Variants in DPYD observed in about 807,000 individuals in gnomAD.
DPYD encodes dihydropyrimidine dehydrogenase, also known as dihydropyrimidine dehydrogenase [NADP(+)].
Under a neutral mutation model 116.2 loss-of-function variants are expected in DPYD, and 109 were observed. The observed-to-expected ratio is 0.94, with a 90% confidence interval of 0.80 to 1.10. The LOEUF (loss-of-function observed/expected upper bound fraction) is 1.10. Ranked by LOEUF, DPYD falls within the 50% of genes least tolerant of loss-of-function variation. The pLI, the probability that DPYD is intolerant of heterozygous loss-of-function variation, is 0.00. For missense variants in DPYD, 1,302 were observed against 1,254.5 expected (o/e 1.04, Z -0.57); for synonymous variants, 440 against 432.0 (o/e 1.02, Z -0.23).
At chr1:97,184,920 T>C (rs1657891770) in intron 20 of DPYD, among the ~76,000 whole-genome samples, 1 of 152,136 alleles carries the variant, frequency 6.6e-6, no homozygotes, top group South Asian at 2.1e-4. Flanking sequence ...CAGTACAATA[T>C]TGAATAGAAG....
intron 20 of DPYD, among the ~76,000 whole-genome samples, chr1:97,175,960 C>T (rs1032125232): frequency 1.3e-5 from 2 of 152,162 alleles, no homozygotes; most frequent in Non-Finnish European, 2.9e-5. Context: ...CTGCAGCAGT[C>T]TGGAACACAT....
At chr1:97,914,977 T>C (rs1005759916) in intron 1 of DPYD, among the ~76,000 whole-genome samples, 1 of 152,156 alleles carries the variant, frequency 6.6e-6, no homozygotes, top group African/African-American at 2.4e-5. Flanking sequence ...AACAAATTCT[T>C]GCCAATTGAT....
chr1:97,672,327 A>G (rs1366942600), intron 8 of DPYD, among the ~76,000 whole-genome samples: 3 of 152,176 alleles, frequency 2.0e-5, no homozygotes, highest in African/African-American at 4.8e-5. Flanking sequence ...TAATATGATC[A>G]AAGAATAATT....
At chr1:97,332,519 T>C (rs1286505903) in intron 16 of DPYD, among the ~76,000 whole-genome samples, 1 of 152,230 alleles carries the variant, frequency 6.6e-6, no homozygotes, top group Non-Finnish European at 1.5e-5. Context: ...TTGAGTTTTG[T>C]GTCCTAGAAG....
At chr1:97,506,213 T>C (rs745778588) in intron 13 of DPYD, among the ~76,000 whole-genome samples, 1 of 151,916 alleles carries the variant, frequency 6.6e-6, no homozygotes, top group Non-Finnish European at 1.5e-5. Context: ...AGTAAGGTAA[T>C]CATGGTATAA....
chr1:97,645,915 C>T (rs1479264599), intron 8 of DPYD, among the ~76,000 whole-genome samples: 2 of 152,018 alleles, frequency 1.3e-5, no homozygotes, highest in African/African-American at 4.8e-5. Flanking sequence ...ATACTTGGCT[C>T]ACACTTTATT....
chr1:97,264,459 T>C (rs1664102676), intron 18 of DPYD, among the ~76,000 whole-genome samples: 1 of 152,034 alleles, frequency 6.6e-6, no homozygotes. Context: ...GTGTTGGAAT[T>C]ACAGGTGTGA....
chr1:97,146,756 A>T (rs1654662728), intron 20 of DPYD, among the ~76,000 whole-genome samples: 1 of 152,226 alleles, frequency 6.6e-6, no homozygotes, highest in Admixed American at 6.5e-5. Context: ...CAGTAGAAAG[A>T]TGGGTAAAAC....
intron 3 of DPYD, among the ~76,000 whole-genome samples, chr1:97,767,844 T>C (rs917160160): frequency 2.0e-5 from 3 of 151,636 alleles, no homozygotes; most frequent in Admixed American, 6.6e-5. Context: ...CCAAATGTTT[T>C]AAATATCTAG....
chr1:97,375,749 G>A (rs186667928), intron 15 of DPYD, among the ~76,000 whole-genome samples: 6 of 152,174 alleles, frequency 3.9e-5, no homozygotes, highest in East Asian at 3.9e-4. Flanking sequence ...CATGTCATGC[G>A]GTAATTACCA....
chr1:97,644,572 G>T (rs1658137042), intron 8 of DPYD, among the ~76,000 whole-genome samples: 1 of 151,662 alleles, frequency 6.6e-6, no homozygotes, highest in African/African-American at 2.4e-5. Flanking sequence ...GGGACTCCAG[G>T]CGAGCACCAC....
At chr1:97,481,857 A>ACTCT (rs146484864) in intron 13 of DPYD, among the ~76,000 whole-genome samples, 40 of 149,520 alleles carry the variant, frequency 2.7e-4, no homozygotes, top group African/African-American at 9.3e-4. Flanking sequence ...TATAATCTCT[A>ACTCT]CTCTCTCTCT....
chr1:97,255,098 G>A (rs1663360615), intron 18 of DPYD, among the ~76,000 whole-genome samples: 1 of 152,110 alleles, frequency 6.6e-6, no homozygotes, highest in African/African-American at 2.4e-5. Context: ...AATTATGAAT[G>A]AAATGCACTG....
intron 19 of DPYD, among the ~76,000 whole-genome samples, chr1:97,205,896 A>T (rs1391667227): frequency 6.6e-6 from 1 of 151,758 alleles, no homozygotes; most frequent in East Asian, 1.9e-4. Flanking sequence ...ATCTTGTTGA[A>T]CTCTCACACA....
intron 16 of DPYD, among the ~76,000 whole-genome samples, chr1:97,335,019 A>T (rs1669212796): frequency 6.6e-6 from 1 of 152,136 alleles, no homozygotes; most frequent in Non-Finnish European, 1.5e-5. Context: ...GTAGGTTTTT[A>T]AAAAACGACA....
At chr1:97,914,224 T>C (rs1201910934) in intron 1 of DPYD, among the ~76,000 whole-genome samples, 1 of 152,154 alleles carries the variant, frequency 6.6e-6, no homozygotes, top group Non-Finnish European at 1.5e-5. Flanking sequence ...CACTTTACCT[T>C]TTCCTGGTGC....
chr1:97,807,771 TTTCTATTTAG>T lies in DPYD; in HGVS notation c.233+20333_233+20342del, dbSNP rs1668142304. Among the ~76,000 whole-genome samples, 7 of 152,240 alleles carry T rather than the reference TTTCTATTTAG, an allele frequency of 4.6e-5. 1 individual carries two copies. In the South Asian group the frequency reaches 1.5e-3, roughly 32 times the overall value. ...TTCTCAGAATATAGTAGGCATGTGTTTTCTATTTAGTTCTACACTTCATTTTGAGTTAATG... is the reference window on the plus strand; with the variant it reads ...TTCTCAGAATATAGTAGGCATGTGTTTTCTACACTTCATTTTGAGTTAATG... On this transcript the variant is annotated intron_variant, in intron 3 of 22. Coordinates refer to ENST00000370192, the MANE Select transcript of DPYD (RefSeq NM_000110.4).
chr1:97,588,727 C>T (rs532465784), intron 10 of DPYD, among the ~76,000 whole-genome samples: 16 of 152,258 alleles, frequency 1.1e-4, no homozygotes, highest in Non-Finnish European at 1.5e-4. Flanking sequence ...GGCTGAGAAG[C>T]GCTAGTTTGT....
At chr1:97,491,278 T>G (rs1353955502) in intron 13 of DPYD, among the ~76,000 whole-genome samples, 1 of 150,138 alleles carries the variant, frequency 6.7e-6, no homozygotes, top group Non-Finnish European at 1.5e-5. Flanking sequence ...GAATATATAT[T>G]GCATAGATTT....
Sources: allele counts gnomAD v4.1 joint callset (sites outside exome capture counted in the v4.1 genomes callset), GRCh38; gene constraint gnomAD v4.1.1; transcripts MANE v1.5; gene names NCBI Gene and HGNC (gene_info 2026-07-23, HGNC 2026-07-21).